Variants in RALGAPA2 observed in about 807,000 individuals in gnomAD.
RALGAPA2 encodes the protein Ral GTPase activating protein catalytic subunit alpha 2.
Under a neutral mutation model 230.4 loss-of-function variants are expected in RALGAPA2, and 139 were observed. The ratio of observed to expected loss-of-function variants is 0.60; its 90% CI spans 0.53 to 0.69. The LOEUF (loss-of-function observed/expected upper bound fraction) is 0.69. Among genes scored for constraint, RALGAPA2 ranks in the 30% least tolerant of loss-of-function variants. The probability of loss-of-function intolerance (pLI) is 0.00; values close to 1 mark genes in which losing one functional copy is unlikely to be tolerated. For synonymous variants in RALGAPA2, 847 were observed against 837.8 expected, an observed-to-expected ratio of 1.01 and a Z score of -0.19; for missense variants, 2,163 against 2,276.0, an observed-to-expected ratio of 0.95 and a Z score of 1.01.
intron 1 of RALGAPA2, among the ~76,000 whole-genome samples, chr20:20,686,370 A>C (rs2068698265): frequency 6.6e-6 from 1 of 152,130 alleles, no homozygotes; most frequent in African/African-American, 2.4e-5. Flanking sequence ...ACATGGTGAA[A>C]TCCCAACTCT....
chr20:20,590,547 C>T (rs568867916), intron 17 of RALGAPA2, among the ~76,000 whole-genome samples: 1 of 152,200 alleles, frequency 6.6e-6, no homozygotes, highest in South Asian at 2.1e-4. Context: ...TCCAATGATA[C>T]TAGACACACT....
intron 29 of RALGAPA2, 140 bp from the exon 30 acceptor site, chr20:20,524,683 A>C (rs2063147451): frequency 7.6e-7 from 1 of 1,307,404 alleles, no homozygotes. Flanking sequence ...TAAATAAATA[A>C]ATAAGTAGCA....
Position 20,528,912 on chromosome 20 carries a change from T to C in RALGAPA2, c.3583-2550A>G, listed in dbSNP as rs145761149. ...GCCCCCACTGCCTCCTCTTTCTCCA[T>C]CTCTCCCTCCTGGCAGAGCCCCAAA... On this transcript the variant is annotated intron_variant, in intron 27 of 39. Coordinates refer to ENST00000202677, the MANE Select transcript of RALGAPA2 (RefSeq NM_020343.4). Among the ~76,000 whole-genome samples the C allele has an allele frequency of 4.2e-3, 642 of 152,280 alleles. 6 individuals carry two copies. Among genetic ancestry groups the C allele is most frequent in the African/African-American group, 0.015 (616 of 41,562 alleles).
At chr20:20,517,405 A>C (rs906761958) in intron 31 of RALGAPA2, among the ~76,000 whole-genome samples, 1 of 152,204 alleles carries the variant, frequency 6.6e-6, no homozygotes, top group African/African-American at 2.4e-5. Context: ...TAGCCACATT[A>C]ATCAAAGCTG....
intron 3 of RALGAPA2, among the ~76,000 whole-genome samples, chr20:20,675,996 A>G (rs2068309795): frequency 6.6e-6 from 1 of 152,154 alleles, no homozygotes; most frequent in Non-Finnish European, 1.5e-5. Context: ...CCATCTAATA[A>G]TTTCACATCT....
At chr20:20,701,630 T>C (rs1295079061) in intron 1 of RALGAPA2, among the ~76,000 whole-genome samples, 1 of 152,110 alleles carries the variant, frequency 6.6e-6, no homozygotes, top group Non-Finnish European at 1.5e-5. Context: ...CTGGAGAGGC[T>C]GAGGCAGGAG....
intron 35 of RALGAPA2, among the ~76,000 whole-genome samples, chr20:20,502,490 G>A (rs1472549030): frequency 6.6e-6 from 1 of 152,208 alleles, no homozygotes; most frequent in Non-Finnish European, 1.5e-5. Flanking sequence ...CATAGGCTGT[G>A]TTTTTAATCT....
At chr20:20,658,624 T>C (rs2067667680) in intron 3 of RALGAPA2, among the ~76,000 whole-genome samples, 1 of 152,256 alleles carries the variant, frequency 6.6e-6, no homozygotes, top group African/African-American at 2.4e-5. Flanking sequence ...TAATCCATTA[T>C]AGTACACTCG....
At chr20:20,626,984 A>G (rs1457657243) in intron 10 of RALGAPA2, among the ~76,000 whole-genome samples, 4 of 152,206 alleles carry the variant, frequency 2.6e-5, no homozygotes, top group African/African-American at 4.8e-5. Flanking sequence ...GACTATTTCA[A>G]ATCAATAGTT....
intron 1 of RALGAPA2, among the ~76,000 whole-genome samples, chr20:20,694,389 A>G (rs2069029531): frequency 6.6e-6 from 1 of 152,194 alleles, no homozygotes; most frequent in South Asian, 2.1e-4. Context: ...AAATTAACTC[A>G]GTAAAGACTG....
rs181736597 is a variant in RALGAPA2 at position 20,645,271 on chromosome 20, C to T, written c.329-1722G>A. On this transcript the variant is annotated intron_variant, in intron 4 of 39. Transcript: ENST00000202677. ...CTGGGATTATAGGTGCATACCACCA[C>T]GCCAGGCTATTTTTTGTATTTTAGT... 5.9e-5 allele frequency among the ~76,000 whole-genome samples: 9 copies of T among 151,890 alleles called. No individual in the cohort carries two copies. The East Asian group carries it at 9.7e-4, about 16-fold the overall frequency.
chr20:20,541,351 T>C (rs2063637247), intron 24 of RALGAPA2, among the ~76,000 whole-genome samples: 1 of 152,164 alleles, frequency 6.6e-6, no homozygotes, highest in South Asian at 2.1e-4. Context: ...ATGAAAAAAT[T>C]TTAATTTATA....
chr20:20,434,671 C>T (rs984647024), intron 37 of RALGAPA2, among the ~76,000 whole-genome samples: 3 of 152,062 alleles, frequency 2.0e-5, no homozygotes, highest in African/African-American at 7.3e-5. Context: ...AGCAGTGGCT[C>T]ATGCATGTAA....
intron 26 of RALGAPA2, among the ~76,000 whole-genome samples, chr20:20,533,652 T>C (rs942470483): frequency 1.3e-5 from 2 of 152,122 alleles, no homozygotes; most frequent in African/African-American, 2.4e-5. Flanking sequence ...ATAAACACAA[T>C]TAGAAGACTA....
At chr20:20,534,402 G>A (rs556550424) in intron 26 of RALGAPA2, among the ~76,000 whole-genome samples, 2 of 151,550 alleles carry the variant, frequency 1.3e-5, no homozygotes, top group Non-Finnish European at 2.9e-5. Flanking sequence ...CCGAGATTGT[G>A]CCACTGCACT....
Position 20,391,794 on chromosome 20 carries a change from G to C in RALGAPA2, c.*1495C>G. On this transcript the variant is annotated 3_prime_UTR_variant, in exon 40 of 40. Coordinates refer to ENST00000202677, the MANE Select transcript of RALGAPA2 (RefSeq NM_020343.4). ...GGCAGAGGGCAGAGGGCACAGGAAGGTGGGGAGGCCTCCCGCACAGGGCCC... is the reference window on the plus strand; with the variant it reads ...GGCAGAGGGCAGAGGGCACAGGAAGCTGGGGAGGCCTCCCGCACAGGGCCC... 6.5e-6 allele frequency: 1 copy of C among 152,830 alleles called. No individual in the cohort carries two copies. The highest frequency in any genetic ancestry group is 1.5e-5 in the Non-Finnish European group (1 of 68,484). 9.5% of individuals were successfully genotyped at this position (152,830 alleles called of 1,614,324 possible).
chr20:20,405,016 C>G (rs79356756), intron 38 of RALGAPA2, among the ~76,000 whole-genome samples: 2,236 of 152,350 alleles, frequency 0.015, 74 homozygotes, highest in East Asian at 0.15. Context: ...CTGCTCTTCT[C>G]ACATTTACTA....
intron 37 of RALGAPA2, among the ~76,000 whole-genome samples, chr20:20,422,888 C>T (rs2060306266): frequency 6.6e-6 from 1 of 152,098 alleles, no homozygotes; most frequent in Non-Finnish European, 1.5e-5. Flanking sequence ...GTGGGTGGAG[C>T]GATTCATGGG....
chr20:20,413,896 A>G (rs533613656), intron 37 of RALGAPA2, among the ~76,000 whole-genome samples: 1 of 152,350 alleles, frequency 6.6e-6, no homozygotes, highest in African/African-American at 2.4e-5. Flanking sequence ...AAACTTCCTC[A>G]GCGAGAGGCG....
Sources: gnomAD v4.1 joint callset for allele counts (sites outside exome capture counted in the v4.1 genomes callset) on GRCh38, gnomAD v4.1.1 for gene constraint, MANE v1.5 for transcripts, NCBI Gene and HGNC (gene_info 2026-07-23, HGNC 2026-07-21) for gene names.